FAM81A: variants seen among roughly 807,000 people sequenced by gnomAD.
The protein encoded by FAM81A is family with sequence similarity 81 member A, also known as protein FAM81A.
In FAM81A, 19 loss-of-function variants were observed where a neutral mutation model predicts 46.7. That is an observed-to-expected ratio of 0.41 (90% confidence interval 0.28 to 0.60). The LOEUF is 0.60. Among genes scored for constraint, FAM81A ranks in the 20% least tolerant of loss-of-function variants. The probability of loss-of-function intolerance (pLI) is 0.34; values close to 1 mark genes in which losing one functional copy is unlikely to be tolerated. For missense variants in FAM81A, 377 were observed against 453.5 expected, an observed-to-expected ratio of 0.83 and a Z score of 1.53; for synonymous variants, 183 against 152.9, an observed-to-expected ratio of 1.20 and a Z score of -1.45.
chr15:59,424,498 A>T (rs1188114837), intron 2 of FAM81A, among the ~76,000 whole-genome samples: 3 of 152,136 alleles, frequency 2.0e-5, no homozygotes, highest in Non-Finnish European at 2.9e-5. Flanking sequence ...AAAACTTCAG[A>T]CTCACAGTTC....
At position 59,492,312 on chromosome 15, in the gene FAM81A, T is replaced by C. The variant is rs768101846; in HGVS notation, c.336T>C (p.Tyr112=). Residue 112 remains tyrosine (Y), a synonymous_variant, in exon 4 of 9, where the codon TAT becomes TAC. Transcript: ENST00000288228. Reference sequence around the variant, plus strand: ...TTCGTGCCCGGGACAACATTAGCTATGGAACTAATTCTGCCTTAAAGACCC... The same window carrying C: ...TTCGTGCCCGGGACAACATTAGCTACGGAACTAATTCTGCCTTAAAGACCC... ...EQIRARDNIS[Y]GTNSALKTLE... is the part of the protein sequence containing the mutation. 28 of 1,613,814 alleles carry C rather than the reference T, an allele frequency of 1.7e-5. No homozygotes were observed. The East Asian group carries it at 5.6e-4, about 32-fold the overall frequency.
At chr15:59,402,689 T>A (rs1191770006) in intron 2 of FAM81A, among the ~76,000 whole-genome samples, 1 of 130,658 alleles carries the variant, frequency 7.7e-6, no homozygotes, top group African/African-American at 3.0e-5. Flanking sequence ...TACAAGCATG[T>A]CCCAACAAGC....
intron 3 of FAM81A, among the ~76,000 whole-genome samples, chr15:59,480,560 T>C (rs2081837328): frequency 6.6e-6 from 1 of 152,166 alleles, no homozygotes; most frequent in Non-Finnish European, 1.5e-5. Context: ...GTGGCTAGCT[T>C]CTGCTCCGTG....
chr15:59,466,513 T>C lies in FAM81A; in HGVS notation c.294+6307T>C, dbSNP rs182692174. Reference sequence around the variant, plus strand: ...GCTGCATAGACGTCTTCTTTTGAGATGTGTCTGTTCATTTCCTTTGCCCAC... The same window carrying C: ...GCTGCATAGACGTCTTCTTTTGAGACGTGTCTGTTCATTTCCTTTGCCCAC... On this transcript the variant is annotated intron_variant, in intron 3 of 8. Coordinates refer to ENST00000288228, the MANE Select transcript of FAM81A (RefSeq NM_152450.3). Among the ~76,000 whole-genome samples, 41 of 152,312 alleles carry C rather than the reference T, an allele frequency of 2.7e-4. 2 individuals are homozygous for C. In the East Asian group the frequency reaches 7.7e-3, roughly 29 times the overall value.
At chr15:59,468,025 A>G (rs1235203833) in intron 3 of FAM81A, among the ~76,000 whole-genome samples, 2 of 152,010 alleles carry the variant, frequency 1.3e-5, no homozygotes, top group African/African-American at 2.4e-5. Flanking sequence ...TGATTTGCAT[A>G]TGTTGAACCA....
chr15:59,492,759 G>T (rs185376187), intron 4 of FAM81A, among the ~76,000 whole-genome samples: 1 of 152,026 alleles, frequency 6.6e-6, no homozygotes, highest in Admixed American at 6.6e-5. Flanking sequence ...TTTTATTTTC[G>T]GAAAGTATTG....
chr15:59,404,841 A>G (rs2081087294), intron 2 of FAM81A, among the ~76,000 whole-genome samples: 1 of 152,230 alleles, frequency 6.6e-6, no homozygotes, highest in African/African-American at 2.4e-5. Context: ...TTTTCAACAC[A>G]TCTGAAATGA....
chr15:59,495,959 C>T (rs1029188009), intron 4 of FAM81A, among the ~76,000 whole-genome samples: 3 of 152,164 alleles, frequency 2.0e-5, no homozygotes, highest in Admixed American at 2.0e-4. Context: ...ATTACTGTCC[C>T]ATTCTAAGGG....
intron 8 of FAM81A, among the ~76,000 whole-genome samples, chr15:59,518,513 A>G (rs775228118): frequency 6.6e-6 from 1 of 151,820 alleles, no homozygotes; most frequent in Non-Finnish European, 1.5e-5. Context: ...TTTTTTAGAG[A>G]TGGGTCCTCA....
upstream of FAM81A, among the ~76,000 whole-genome samples, chr15:59,433,870 G>A (rs1693086618): frequency 1.3e-5 from 2 of 152,042 alleles, no homozygotes; most frequent in East Asian, 3.9e-4. Flanking sequence ...TAATACCTTT[G>A]GGACCTTTTG....
chr15:59,447,960 A>T (rs1391565256), intron 1 of FAM81A, among the ~76,000 whole-genome samples: 1 of 152,166 alleles, frequency 6.6e-6, no homozygotes, highest in Non-Finnish European at 1.5e-5. Context: ...CTCCTGCCTC[A>T]TCCATCTTTG....
At chr15:59,414,056 C>T (rs866936741) in intron 2 of FAM81A, among the ~76,000 whole-genome samples, 1 of 152,138 alleles carries the variant, frequency 6.6e-6, no homozygotes, top group Non-Finnish European at 1.5e-5. Flanking sequence ...CGGGTTCAAG[C>T]GATTCTCTTC....
intron 2 of FAM81A, among the ~76,000 whole-genome samples, chr15:59,418,785 A>G (rs1234300179): frequency 6.8e-6 from 1 of 146,838 alleles, no homozygotes; most frequent in Non-Finnish European, 1.5e-5. Flanking sequence ...GCTTATTTAA[A>G]TTATCTGAGC....
intron 4 of FAM81A, among the ~76,000 whole-genome samples, chr15:59,492,634 A>G (rs1349220057): frequency 6.6e-6 from 1 of 152,202 alleles, no homozygotes; most frequent in Non-Finnish European, 1.5e-5. Flanking sequence ...GAACTCACTC[A>G]GCTGACCTTG....
intron 3 of FAM81A, among the ~76,000 whole-genome samples, chr15:59,482,268 T>C (rs2081862289): frequency 6.6e-6 from 1 of 152,138 alleles, no homozygotes; most frequent in South Asian, 2.1e-4. Context: ...CTGAAGTGTC[T>C]ATTTTGTTTT....
At chr15:59,431,888 G>C (rs192496594) in intron 2 of FAM81A, among the ~76,000 whole-genome samples, 82 of 152,286 alleles carry the variant, frequency 5.4e-4, no homozygotes, top group African/African-American at 1.8e-3. Context: ...TCCAGTGCCT[G>C]GTAGAGAATC....
intron 6 of FAM81A, 96 bp downstream of exon 6, chr15:59,509,065 C>A: frequency 2.2e-6 from 2 of 919,402 alleles, no homozygotes; most frequent in South Asian, 1.9e-5. Flanking sequence ...ATTTATTGCA[C>A]AAATTGAAAA....
intron 3 of FAM81A, among the ~76,000 whole-genome samples, chr15:59,489,329 ACAT>A: frequency 6.6e-6 from 1 of 152,122 alleles, no homozygotes; most frequent in Non-Finnish European, 1.5e-5. Flanking sequence ...ATACATACAT[ACAT>A]ACCTGTGAAT....
chr15:59,514,444 A>T lies in FAM81A; in HGVS notation c.786+20A>T. ...AACAGTGTAGGTATTGATGTTTAGCAAAAATTTAGTAAAGTTATTCAGTGG... is the reference window on the plus strand; with the variant it reads ...AACAGTGTAGGTATTGATGTTTAGCTAAAATTTAGTAAAGTTATTCAGTGG... On this transcript the variant is annotated intron_variant, in intron 7 of 8. Transcript: ENST00000288228. 6.2e-7 allele frequency: 1 copy of T among 1,606,510 alleles called. No homozygotes were observed. Among genetic ancestry groups the T allele is most frequent in the Non-Finnish European group, 8.5e-7 (1 of 1,177,464 alleles).
Sources: allele counts gnomAD v4.1 joint callset (sites outside exome capture counted in the v4.1 genomes callset), GRCh38; gene constraint gnomAD v4.1.1; transcripts MANE v1.5; gene names NCBI Gene and HGNC (gene_info 2026-07-23, HGNC 2026-07-21).